SPESP1: variants seen among roughly 807,000 people sequenced by gnomAD.
The protein encoded by SPESP1 is sperm equatorial segment protein 1.
Under a neutral mutation model 3.1 loss-of-function variants are expected in SPESP1, and 1 was observed. The observed-to-expected ratio is 0.33, with a 90% CI of 0.12 to 1.54. The LOEUF (loss-of-function observed/expected upper bound fraction) is 1.54, where lower values mean the gene tolerates loss of function less well. Ranked by LOEUF, SPESP1 falls within the 40% of genes most tolerant of loss-of-function variation. SPESP1 has a pLI of 0.38. For missense variants in SPESP1, 398 were observed against 410.1 expected (o/e 0.97, Z 0.26); for synonymous variants, 138 against 150.7 (o/e 0.92, Z 0.62).
At position 68,946,519 on chromosome 15, in the gene SPESP1, A is replaced by G; in HGVS notation, c.985A>G (p.Thr329Ala). ...ACCAGAGATGAGAGAAAAAGCTGCTACAGTATTCAATACATTAAAAAATAT... is the reference window on the plus strand; with the variant it reads ...ACCAGAGATGAGAGAAAAAGCTGCTGCAGTATTCAATACATTAAAAAATAT... ...VPPEMREKAA[T>A]VFNTLKNMCR... Residue 329 changes from threonine to alanine, a missense_variant, in exon 2 of 2, where the codon ACA becomes GCA. By Grantham distance (58) the Thr-to-Ala change is moderately conservative (BLOSUM62 0). Transcript: ENST00000310673. 5 of 1,607,450 alleles carry G rather than the reference A, an allele frequency of 3.1e-6. No individual in the cohort carries two copies. The highest frequency in any genetic ancestry group is 2.2e-5 in the South Asian group (2 of 89,316).
In SPESP1 at chr15:68,930,588, T is replaced by G; in HGVS notation, c.-66T>G. On this transcript the variant is annotated 5_prime_UTR_variant, in exon 1 of 2. Transcript: ENST00000310673. ...CCGCTGACACCTTCCCTTTCGGCCT[T>G]GAGGTTCCCAGCCTGGTGGCCCCAG... The G allele has an allele frequency of 5.6e-6, 9 of 1,603,514 alleles. No individual in the cohort carries two copies. Among genetic ancestry groups the G allele is most frequent in the South Asian group, 3.3e-5 (3 of 90,720 alleles).
At position 68,930,606 on chromosome 15, in the gene SPESP1, G is replaced by T. The variant is rs1895503277; in HGVS notation, c.-48G>T. On this transcript the variant is annotated 5_prime_UTR_variant, in exon 1 of 2. Coordinates refer to ENST00000310673, the MANE Select transcript of SPESP1 (RefSeq NM_145658.4). ...TCGGCCTTGAGGTTCCCAGCCTGGTGGCCCCAGGACGTTCCGGTCGCATGG... is the reference window on the plus strand; with the variant it reads ...TCGGCCTTGAGGTTCCCAGCCTGGTTGCCCCAGGACGTTCCGGTCGCATGG... 1.2e-6 allele frequency: 2 copies of T among 1,611,760 alleles called. No individual in the cohort carries two copies. Among genetic ancestry groups the T allele is most frequent in the Admixed American group, 1.7e-5 (1 of 59,946 alleles).
chr15:68,935,656 G>A (rs1442808815), intron 1 of SPESP1, among the ~76,000 whole-genome samples: 1 of 152,224 alleles, frequency 6.6e-6, no homozygotes, highest in East Asian at 1.9e-4. Context: ...AACATGAATA[G>A]CAGGAAGTGT....
At chr15:68,942,169 C>CTTTTTTTTTTTTTTTTTTTTT (rs778249415) in intron 1 of SPESP1, among the ~76,000 whole-genome samples, 2 of 142,870 alleles carry the variant, frequency 1.4e-5, no homozygotes, top group East Asian at 2.0e-4. Context: ...CATCTTATTT[C>CTTTTTTTTTTTTTTTTTTTTT]TTTTTTTTTT....
Position 68,930,607 on chromosome 15 carries a change from GC to G in SPESP1, c.-43del, listed in dbSNP as rs559694932. Reference sequence around the variant, plus strand: ...CGGCCTTGAGGTTCCCAGCCTGGTGGCCCCAGGACGTTCCGGTCGCATGGCA... The same window carrying G: ...CGGCCTTGAGGTTCCCAGCCTGGTGGCCCAGGACGTTCCGGTCGCATGGCA... On this transcript the variant is annotated 5_prime_UTR_variant, in exon 1 of 2. Coordinates refer to ENST00000310673, the MANE Select transcript of SPESP1 (RefSeq NM_145658.4). The G allele has an allele frequency of 9.2e-5, 148 of 1,611,038 alleles. No homozygotes were observed. The African/African-American group carries it at 1.9e-3, about 21-fold the overall frequency.
chr15:68,933,912 A>T (rs1475187250), intron 1 of SPESP1, among the ~76,000 whole-genome samples: 1 of 152,090 alleles, frequency 6.6e-6, no homozygotes, highest in African/African-American at 2.4e-5. Context: ...TAATAGTTAC[A>T]TATTTAAATA....
chr15:68,934,970 C>T (rs969872465), intron 1 of SPESP1, among the ~76,000 whole-genome samples: 5 of 151,972 alleles, frequency 3.3e-5, no homozygotes, highest in African/African-American at 1.2e-4. Flanking sequence ...TGTTCCAAGC[C>T]CACTTTGTGT....
intron 1 of SPESP1, among the ~76,000 whole-genome samples, chr15:68,942,005 A>G (rs1443438002): frequency 6.6e-6 from 1 of 151,940 alleles, no homozygotes; most frequent in Admixed American, 6.6e-5. Context: ...TTGTACTTTT[A>G]TACAGTTGGG....
chr15:68,930,782 G>T, intron 1 of SPESP1, 65 bp downstream of exon 1: 19 of 1,609,472 alleles, frequency 1.2e-5, no homozygotes, highest in South Asian at 2.2e-5. Context: ...CGAGCTCCGC[G>T]ACCTCGAAGC....
chr15:68,931,319 A>G (rs1895532990), intron 1 of SPESP1, among the ~76,000 whole-genome samples: 1 of 148,356 alleles, frequency 6.7e-6, no homozygotes. Context: ...CTCTTTCATG[A>G]CTTGTGGAAA....
Position 68,930,622 on chromosome 15 carries a change from G to C in SPESP1, c.-32G>C, listed in dbSNP as rs374671147. On this transcript the variant is annotated 5_prime_UTR_variant, in exon 1 of 2. Transcript: ENST00000310673. ...CAGCCTGGTGGCCCCAGGACGTTCC[G>C]GTCGCATGGCAGAGTGCTACGGACG... 40 of 1,613,078 alleles carry C rather than the reference G, an allele frequency of 2.5e-5. No homozygotes were observed. In the African/African-American group the frequency reaches 4.9e-4, roughly 20 times the overall value.
At chr15:68,940,511 T>C (rs192085539) in intron 1 of SPESP1, among the ~76,000 whole-genome samples, 1 of 152,344 alleles carries the variant, frequency 6.6e-6, no homozygotes, top group Non-Finnish European at 1.5e-5. Context: ...TCAAGTAAGA[T>C]TTATACATGT....
In SPESP1 at chr15:68,933,384, G is replaced by A. The variant is rs371290972; in HGVS notation, c.64+2667G>A. ...ATCCTGATGGTGCTGGAGAAACAAC[G>A]TTTTACTATATAAAATTTTTATACA... On this transcript the variant is annotated intron_variant, in intron 1 of 1. Transcript: ENST00000310673. Among the ~76,000 whole-genome samples the A allele has an allele frequency of 2.6e-5, 4 of 151,972 alleles. No individual in the cohort carries two copies. The East Asian group carries it at 5.8e-4, about 22-fold the overall frequency.
chr15:68,930,829 T>TC, intron 1 of SPESP1, 112 bp downstream of exon 1: 1 of 1,513,012 alleles, frequency 6.6e-7, no homozygotes, highest in Non-Finnish European at 9.0e-7. Context: ...CATGCCTCCC[T>TC]CCCCCACTGT....
intron 1 of SPESP1, among the ~76,000 whole-genome samples, chr15:68,935,369 G>C (rs998126500): frequency 1.3e-5 from 2 of 152,204 alleles, no homozygotes; most frequent in Non-Finnish European, 2.9e-5. Flanking sequence ...TATAGCTGAG[G>C]TCACTCATGC....
At chr15:68,938,715 A>G (rs966059896) in intron 1 of SPESP1, among the ~76,000 whole-genome samples, 11 of 152,168 alleles carry the variant, frequency 7.2e-5, no homozygotes, top group African/African-American at 2.7e-4. Context: ...TCCTTGTGTC[A>G]TTTCTTTATG....
Position 68,946,396 on chromosome 15 carries a change from C to T in SPESP1, c.862C>T (p.Arg288Ter), listed in dbSNP as rs149824359. Residue 288 changes from arginine to a stop codon, truncating the protein, a stop_gained, in exon 2 of 2, where the codon CGA (arginine) becomes TGA (stop). Coordinates refer to ENST00000310673, the MANE Select transcript of SPESP1 (RefSeq NM_145658.4). LOFTEE classifies it low-confidence loss of function (END_TRUNC). Reference protein sequence around the residue: ...MYKSQLLPVGRTSNKIDDIET... With the variant: ...MYKSQLLPVG The stretch of plus-strand genomic sequence containing the variant: ...TAAGTCCCAGTTATTGCCAGTAGGA[C>T]GAACAAGTAATAAAATTGATGACAT... 66 of 1,613,782 alleles carry T rather than the reference C, an allele frequency of 4.1e-5. No individual in the cohort carries two copies. Among genetic ancestry groups the T allele is most frequent in the Non-Finnish European group, 5.1e-5 (60 of 1,179,980 alleles).
chr15:68,937,676 TG>T (rs1895718721), intron 1 of SPESP1, among the ~76,000 whole-genome samples: 1 of 152,070 alleles, frequency 6.6e-6, no homozygotes, highest in African/African-American at 2.4e-5. Context: ...ATAGGGGATA[TG>T]GGAAATGGGT....
chr15:68,934,316 G>A (rs934083916), intron 1 of SPESP1, among the ~76,000 whole-genome samples: 1 of 152,280 alleles, frequency 6.6e-6, no homozygotes, highest in African/African-American at 2.4e-5. Flanking sequence ...CAATAAGGCA[G>A]CAACCAGCAA....
Sources: gnomAD v4.1 joint callset for allele counts (sites outside exome capture counted in the v4.1 genomes callset) on GRCh38, gnomAD v4.1.1 for gene constraint, MANE v1.5 for transcripts, NCBI Gene and HGNC (gene_info 2026-07-23, HGNC 2026-07-21) for gene names.